Variants in SNX18 observed in about 807,000 individuals in gnomAD.
The protein encoded by SNX18 is sorting nexin 18, also known as sorting nexin-18.
A neutral mutation model predicts 48.7 loss-of-function variants in SNX18; 35 were observed. The observed-to-expected ratio is 0.72, with a 90% confidence interval of 0.55 to 0.95. The LOEUF is 0.95. Among genes scored for constraint, SNX18 ranks in the 40% least tolerant of loss-of-function variants. SNX18 has a pLI of 0.00. For synonymous variants in SNX18, 492 were observed against 384.7 expected (o/e 1.28, Z -3.26); for missense variants, 824 against 871.0 (o/e 0.95, Z 0.68).
At chr5:54,566,045 C>T in the SNX18 span, among the ~76,000 whole-genome samples, 10 of 152,258 alleles carry the variant, frequency 6.6e-5, no homozygotes, top group East Asian at 3.9e-4. Context: ...GCTGTGTCCA[C>T]GTCCTTCAGC....
chr5:54,595,425 C>T, the SNX18 span, among the ~76,000 whole-genome samples: 242 of 151,828 alleles, frequency 1.6e-3, 1 homozygote, highest in Non-Finnish European at 2.8e-3. Flanking sequence ...TTAGTAGAGA[C>T]AGGGTTTCAC....
downstream of SNX18, among the ~76,000 whole-genome samples, chr5:54,551,079 C>CAA (rs35257130): frequency 8.4e-6 from 1 of 119,588 alleles, no homozygotes; most frequent in South Asian, 2.6e-4. Context: ...AGGGGACTAG[C>CAA]AAAAAAAAAA....
intron 1 of SNX18, among the ~76,000 whole-genome samples, chr5:54,531,036 A>C (rs941715308): frequency 3.3e-5 from 5 of 151,996 alleles, no homozygotes; most frequent in Non-Finnish European, 7.4e-5. Flanking sequence ...TACAGGTGTG[A>C]GTCACCCTGC....
the SNX18 span, among the ~76,000 whole-genome samples, chr5:54,565,372 G>A: frequency 6.6e-6 from 1 of 152,040 alleles, no homozygotes; most frequent in African/African-American, 2.4e-5. Context: ...CCAGGAGTTT[G>A]AGACCAGCCT....
chr5:54,625,442 G>C, the SNX18 span, among the ~76,000 whole-genome samples: 326 of 152,270 alleles, frequency 2.1e-3, 1 homozygote, highest in Non-Finnish European at 4.0e-3. Flanking sequence ...TTGGATCTTG[G>C]ACACAGCTAT....
At chr5:54,571,832 C>G in the SNX18 span, among the ~76,000 whole-genome samples, 333 of 152,258 alleles carry the variant, frequency 2.2e-3, no homozygotes, top group African/African-American at 7.6e-3. Context: ...GTTAGGGTGT[C>G]TGAAGGTGCA....
At position 54,518,804 on chromosome 5, in the gene SNX18, C is replaced by T. The variant is rs1387523217; in HGVS notation, c.852C>T (p.Thr284=). 5.0e-6 allele frequency: 8 copies of T among 1,604,408 alleles called. No individual in the cohort carries two copies. Among genetic ancestry groups the T allele is most frequent in the Non-Finnish European group, 6.8e-6 (8 of 1,174,762 alleles). The stretch of plus-strand genomic sequence containing the variant: ...TCCAGTGCACCATCGACGACCCCAC[C>T]AAGCAGACCAAGTTCAAGGGCATGA... ...YPFQCTIDDP[T]KQTKFKGMKS... Residue 284 remains threonine, a synonymous_variant, in exon 1 of 2, where the codon ACC becomes ACT. Coordinates refer to ENST00000381410, the MANE Select transcript of SNX18 (RefSeq NM_001102575.2).
the SNX18 span, among the ~76,000 whole-genome samples, chr5:54,624,760 G>A: frequency 6.6e-6 from 1 of 152,170 alleles, no homozygotes; most frequent in Non-Finnish European, 1.5e-5. Flanking sequence ...CTAATATAAT[G>A]ATGGAAGCTA....
chr5:54,536,414 T>C (rs1762356707), intron 1 of SNX18, among the ~76,000 whole-genome samples: 1 of 132,406 alleles, frequency 7.6e-6, no homozygotes, highest in Non-Finnish European at 1.6e-5. Context: ...CGGTGTGTGA[T>C]GTTCCCCTTC....
At chr5:54,636,300 AC>A in the SNX18 span, among the ~76,000 whole-genome samples, 1 of 151,922 alleles carries the variant, frequency 6.6e-6, no homozygotes, top group Non-Finnish European at 1.5e-5. Flanking sequence ...CATTTTCACA[AC>A]CCAACAATAC....
chr5:54,613,923 G>A, the SNX18 span, among the ~76,000 whole-genome samples: 2 of 152,112 alleles, frequency 1.3e-5, no homozygotes, highest in African/African-American at 4.8e-5. Flanking sequence ...TCGAACTCCC[G>A]ACCTCAGGTG....
the SNX18 span, among the ~76,000 whole-genome samples, chr5:54,610,111 A>G: frequency 6.6e-6 from 1 of 152,140 alleles, no homozygotes; most frequent in South Asian, 2.1e-4. Flanking sequence ...TGCTTCCTGT[A>G]TAACCTGCAG....
chr5:54,543,290 T>G lies in SNX18; in HGVS notation c.1733T>G (p.Leu578Trp). The change falls in exon 2 of 2, where the codon TTG (leucine) becomes TGG (tryptophan). Residue 578 changes from leucine to tryptophan, a missense_variant. Leu to Trp is a moderately conservative substitution (Grantham distance 61). Transcript: ENST00000381410. Reference sequence around the variant, plus strand: ...TGTAACACTATTTCTTTTGCCACTTTGGCTGAAATTCACCACTTCCATCAA... The same window carrying G: ...TGTAACACTATTTCTTTTGCCACTTGGGCTGAAATTCACCACTTCCATCAA... ...DRCNTISFAT[L>W]AEIHHFHQIR... 1 of 1,614,242 alleles carries G rather than the reference T, an allele frequency of 6.2e-7. No individual in the cohort carries two copies. The highest frequency in any genetic ancestry group is 8.5e-7 in the Non-Finnish European group (1 of 1,180,044).
the SNX18 span, among the ~76,000 whole-genome samples, chr5:54,564,267 A>AAAAT: frequency 1.3e-3 from 196 of 152,076 alleles, 1 homozygote; most frequent in South Asian, 5.2e-3. Flanking sequence ...ACTCCATCTC[A>AAAAT]AAATAAATAA....
chr5:54,531,682 C>T (rs947041625), intron 1 of SNX18, among the ~76,000 whole-genome samples: 2 of 152,202 alleles, frequency 1.3e-5, no homozygotes, highest in African/African-American at 2.4e-5. Context: ...TAAAGACTCA[C>T]AGCCACCGGA....
At chr5:54,624,727 C>T in the SNX18 span, among the ~76,000 whole-genome samples, 1 of 152,026 alleles carries the variant, frequency 6.6e-6, no homozygotes, top group Non-Finnish European at 1.5e-5. Flanking sequence ...ATAAAGTATC[C>T]CTTTTAATAG....
At position 54,518,903 on chromosome 5, in the gene SNX18, C is replaced by T; in HGVS notation, c.951C>T (p.Asp317=). 1.2e-6 allele frequency: 2 copies of T among 1,613,982 alleles called. No homozygotes were observed. Among genetic ancestry groups the T allele is most frequent in the Non-Finnish European group, 1.7e-6 (2 of 1,180,022 alleles). ...TGCATCGGCGCTACAAGCACTTCGACTGGCTGTACGCGCGCCTGGCGGAGA... is the reference window on the plus strand; with the variant it reads ...TGCATCGGCGCTACAAGCACTTCGATTGGCTGTACGCGCGCCTGGCGGAGA... ...VPVHRRYKHF[D]WLYARLAEKF... Residue 317 remains aspartate, a synonymous_variant, in exon 1 of 2, where the codon GAC becomes GAT. Coordinates refer to ENST00000381410, the MANE Select transcript of SNX18 (RefSeq NM_001102575.2).
chr5:54,537,921 A>G (rs183162005), intron 1 of SNX18, among the ~76,000 whole-genome samples: 62 of 152,300 alleles, frequency 4.1e-4, no homozygotes, highest in Middle Eastern at 3.4e-3. Flanking sequence ...AGCTGGTTGT[A>G]TTGTACCTCT....
At chr5:54,546,789 C>A (rs1284324543), downstream of SNX18, among the ~76,000 whole-genome samples, 1 of 152,288 alleles carries the variant, frequency 6.6e-6, no homozygotes, top group East Asian at 1.9e-4. Flanking sequence ...GTATCTGCTT[C>A]CATTAGTGAC....
Sources: gnomAD v4.1 joint callset for allele counts (sites outside exome capture counted in the v4.1 genomes callset) on GRCh38, gnomAD v4.1.1 for gene constraint, MANE v1.5 for transcripts, NCBI Gene and HGNC (gene_info 2026-07-23, HGNC 2026-07-21) for gene names.